The following SNX8 variants were observed in gnomAD, a reference collection of about 807,000 sequenced individuals.
SNX8 encodes sorting nexin 8.
In SNX8, 25 loss-of-function variants were observed where a neutral mutation model predicts 51.6. The observed-to-expected ratio is 0.48, with a 90% CI of 0.35 to 0.68. The LOEUF (loss-of-function observed/expected upper bound fraction) is 0.68. SNX8 is among the 30% of genes least tolerant of loss of function. SNX8 has a pLI of 0.00. For synonymous variants in SNX8, 324 were observed against 277.0 expected, an observed-to-expected ratio of 1.17 and a Z score of -1.68; for missense variants, 695 against 624.0, an observed-to-expected ratio of 1.11 and a Z score of -1.21.
intron 1 of SNX8, among the ~76,000 whole-genome samples, chr7:2,288,954 C>T (rs1295328920): frequency 6.6e-6 from 1 of 152,198 alleles, no homozygotes; most frequent in Non-Finnish European, 1.5e-5. Flanking sequence ...TCAGGCTGGT[C>T]TCCAACTCCG....
intron 1 of SNX8, among the ~76,000 whole-genome samples, chr7:2,336,577 G>A (rs1185734531): frequency 6.6e-6 from 1 of 151,778 alleles, no homozygotes; most frequent in Non-Finnish European, 1.5e-5. Flanking sequence ...GCATGGTGGT[G>A]CGCACCTGTA....
rs1460210521 is a variant in SNX8 at position 2,271,844 on chromosome 7, A to G, written c.540+6T>C. On this transcript the variant is annotated splice_donor_region_variant and intron_variant, in intron 4 of 10. Coordinates refer to ENST00000222990, the MANE Select transcript of SNX8 (RefSeq NM_013321.4). ...GCCGGGACATGGGCAGGGCAGACAC[A>G]CTCACCGAGCCGCTGAAGGACAGGA... 5 of 1,598,962 alleles carry G rather than the reference A, an allele frequency of 3.1e-6. No homozygotes were observed. Among genetic ancestry groups the G allele is most frequent in the African/African-American group, 1.3e-5 (1 of 74,874 alleles).
chr7:2,340,646 C>A (rs1436659050), intron 1 of SNX8, among the ~76,000 whole-genome samples: 1 of 150,878 alleles, frequency 6.6e-6, no homozygotes. Flanking sequence ...CACTTGAGGT[C>A]AGGAGTTCAA....
chr7:2,304,615 A>T (rs561108338), intron 1 of SNX8, among the ~76,000 whole-genome samples: 1 of 152,054 alleles, frequency 6.6e-6, no homozygotes, highest in South Asian at 2.1e-4. Flanking sequence ...TGAGTAGCCC[A>T]CCTTGGAGGG....
At chr7:2,354,031 T>G (rs1375064566) in intron 1 of SNX8, 1 of 152,334 alleles carries the variant, frequency 6.6e-6, no homozygotes. Flanking sequence ...ACCGCTCCGG[T>G]CCCTCCGGAG....
chr7:2,351,323 G>C (rs1418642210), intron 1 of SNX8, among the ~76,000 whole-genome samples: 1 of 152,096 alleles, frequency 6.6e-6, no homozygotes, highest in Non-Finnish European at 1.5e-5. Context: ...AGGCAGAGTT[G>C]GGAGAACTGC....
In SNX8 at chr7:2,296,848, T is replaced by C. The variant is rs547285113; in HGVS notation, c.94+17480A>G. On this transcript the variant is annotated intron_variant, in intron 1 of 10. Transcript: ENST00000222990. ...AGGAGGCTGAGGCATGAGAATCGCT[T>C]GAACCTGGGAGGCAGAGGTTGCAGT... Among the ~76,000 whole-genome samples the C allele has an allele frequency of 4.6e-5, 7 of 151,982 alleles. No homozygotes were observed. In the East Asian group the frequency reaches 1.4e-3, roughly 29 times the overall value.
At chr7:2,319,898 TG>T (rs1238050090) in intron 1 of SNX8, among the ~76,000 whole-genome samples, 1 of 150,994 alleles carries the variant, frequency 6.6e-6, no homozygotes, top group African/African-American at 2.4e-5. Context: ...GAGAATTGCT[TG>T]AACCCAGGAG....
upstream of SNX8, among the ~76,000 whole-genome samples, chr7:2,314,673 C>T (rs1020741053): frequency 2.0e-5 from 3 of 152,192 alleles, no homozygotes; most frequent in African/African-American, 7.2e-5. Context: ...GGTTACCTCC[C>T]CTCAGGTTGG....
intron 1 of SNX8, among the ~76,000 whole-genome samples, chr7:2,302,350 A>G (rs1796417035): frequency 6.6e-6 from 1 of 152,214 alleles, no homozygotes; most frequent in Non-Finnish European, 1.5e-5. Context: ...GTGATCCACC[A>G]GCCTCGGCCT....
chr7:2,272,107 A>G (rs1449440676), intron 3 of SNX8, 136 bp from the exon 4 acceptor site: 17 of 1,208,342 alleles, frequency 1.4e-5, no homozygotes, highest in Non-Finnish European at 1.9e-5. Context: ...CTGGGCCCCC[A>G]GTGCTGCTCA....
At chr7:2,302,364 G>A (rs928465433) in intron 1 of SNX8, among the ~76,000 whole-genome samples, 2 of 152,250 alleles carry the variant, frequency 1.3e-5, no homozygotes, top group Admixed American at 6.5e-5. Flanking sequence ...TCGGCCTCCC[G>A]AGGTGCCGGG....
chr7:2,263,398 A>G, intron 6 of SNX8, 36 bp from the exon 7 acceptor site: 4 of 1,552,008 alleles, frequency 2.6e-6, no homozygotes, highest in Non-Finnish European at 3.5e-6. Context: ...GAGACACTCA[A>G]GGCCTGGAGC....
intron 4 of SNX8, among the ~76,000 whole-genome samples, chr7:2,270,988 C>T (rs113429509): frequency 0.02 from 2,998 of 152,320 alleles, 39 homozygotes; most frequent in South Asian, 0.043. Flanking sequence ...GACCCGCCTT[C>T]CCTGGAGGGG....
intron 1 of SNX8, among the ~76,000 whole-genome samples, chr7:2,283,757 C>A (rs959182457): frequency 2.0e-5 from 3 of 152,170 alleles, no homozygotes; most frequent in Non-Finnish European, 4.4e-5. Context: ...CCACTCCCAG[C>A]GTCTCTCCAA....
chr7:2,343,992 C>G (rs892867603), intron 1 of SNX8, among the ~76,000 whole-genome samples: 16 of 146,372 alleles, frequency 1.1e-4, no homozygotes, highest in Non-Finnish European at 1.2e-4. Context: ...GAGATCCTGC[C>G]ATTTCACTGC....
At chr7:2,307,777 A>C (rs1796579086) in intron 1 of SNX8, 1 of 152,126 alleles carries the variant, frequency 6.6e-6, no homozygotes, top group Non-Finnish European at 1.5e-5. Flanking sequence ...CAGACACAGC[A>C]GGTCCTGTGA....
upstream of SNX8, among the ~76,000 whole-genome samples, chr7:2,316,058 TC>T (rs1210914001): frequency 7.3e-6 from 1 of 136,492 alleles, no homozygotes; most frequent in African/African-American, 2.8e-5. Context: ...CATTCATTCA[TC>T]TACCCACCCA....
intron 5 of SNX8, among the ~76,000 whole-genome samples, chr7:2,266,193 T>C (rs1374308408): frequency 1.3e-5 from 2 of 152,158 alleles, no homozygotes; most frequent in East Asian, 1.9e-4. Context: ...TTGTTGTTGT[T>C]GTCGTCTTTG....
Sources: gnomAD v4.1 joint callset for allele counts (sites outside exome capture counted in the v4.1 genomes callset) on GRCh38, gnomAD v4.1.1 for gene constraint, MANE v1.5 for transcripts, NCBI Gene and HGNC (gene_info 2026-07-23, HGNC 2026-07-21) for gene names.